SAMD12: variants seen among roughly 807,000 people sequenced by gnomAD.
SAMD12 encodes sterile alpha motif domain-containing protein 12.
SAMD12 carries 9 observed loss-of-function variants against 15.0 expected under a neutral mutation model. The ratio of observed to expected loss-of-function variants is 0.60; its 90% CI spans 0.36 to 1.05. SAMD12 has a LOEUF of 1.05. SAMD12 is among the 50% of genes least tolerant of loss of function. The pLI is 0.01. For synonymous variants in SAMD12, 86 were observed against 90.1 expected, an observed-to-expected ratio of 0.96 and a Z score of 0.25; for missense variants, 230 against 234.2, an observed-to-expected ratio of 0.98 and a Z score of 0.12.
intron 2 of SAMD12, among the ~76,000 whole-genome samples, chr8:118,501,312 T>G (rs72678141): frequency 0.011 from 1,738 of 152,314 alleles, 14 homozygotes; most frequent in Non-Finnish European, 0.019. Flanking sequence ...TAAACTCGGA[T>G]AGATTTTATT....
At position 118,621,586 on chromosome 8, in the gene SAMD12, C is replaced by T. The variant is rs553277456; in HGVS notation, c.13+218G>A. The T allele has an allele frequency of 2.0e-3, 1,229 of 605,664 alleles. 3 individuals carry two copies. The highest frequency in any genetic ancestry group is 3.6e-3 in the Admixed American group (124 of 34,266). The allele number at this position is 605,664 out of a possible 1,614,324, so 37.5% of individuals were successfully genotyped here. A position where few individuals can be genotyped will look rare whatever the true frequency, so the allele number is the denominator to read the frequency against. On this transcript the variant is annotated intron_variant, in intron 1 of 3. Coordinates refer to ENST00000314727, the MANE Select transcript of SAMD12 (RefSeq NM_207506.3). ...GTCTCCACACCTCCTACCTCAAAGTCCTACGCACCTACCCTTCACGTCTCT... is the reference window on the plus strand; with the variant it reads ...GTCTCCACACCTCCTACCTCAAAGTTCTACGCACCTACCCTTCACGTCTCT...
intron 4 of SAMD12, among the ~76,000 whole-genome samples, chr8:118,273,737 C>T: frequency 6.6e-6 from 1 of 152,190 alleles, no homozygotes; most frequent in East Asian, 1.9e-4. Context: ...ATTCTGAACC[C>T]CAGCAACAGT....
At chr8:118,305,501 A>G (rs1190947431) in intron 4 of SAMD12, among the ~76,000 whole-genome samples, 1 of 152,194 alleles carries the variant, frequency 6.6e-6, no homozygotes, top group Non-Finnish European at 1.5e-5. Context: ...TTGTATGTAT[A>G]TACCACATAT....
chr8:118,223,533 T>C (rs1812125377), intron 4 of SAMD12, among the ~76,000 whole-genome samples: 1 of 152,188 alleles, frequency 6.6e-6, no homozygotes, highest in South Asian at 2.1e-4. Flanking sequence ...AAACCAATAA[T>C]CACAGTGACC....
At chr8:118,499,304 T>C (rs1824711998) in intron 2 of SAMD12, among the ~76,000 whole-genome samples, 1 of 152,198 alleles carries the variant, frequency 6.6e-6, no homozygotes, top group Admixed American at 6.5e-5. Flanking sequence ...AACAGAAAGT[T>C]CAGTCTTCTA....
chr8:118,264,890 A>G (rs918490481), intron 4 of SAMD12, among the ~76,000 whole-genome samples: 9 of 152,268 alleles, frequency 5.9e-5, no homozygotes, highest in South Asian at 2.1e-4. Flanking sequence ...CAAGACTTCT[A>G]TCTACTCTGT....
intron 2 of SAMD12, among the ~76,000 whole-genome samples, chr8:118,555,813 T>A (rs1177282257): frequency 6.6e-6 from 1 of 152,200 alleles, no homozygotes; most frequent in Non-Finnish European, 1.5e-5. Context: ...TATTATACTG[T>A]AGACAACTCA....
chr8:118,223,498 C>T (rs1812124659), intron 4 of SAMD12, among the ~76,000 whole-genome samples: 1 of 152,170 alleles, frequency 6.6e-6, no homozygotes, highest in South Asian at 2.1e-4. Context: ...CAGAACAATT[C>T]AGTTGATTGA....
intron 2 of SAMD12, among the ~76,000 whole-genome samples, chr8:118,444,908 C>A (rs1167056481): frequency 1.3e-5 from 2 of 152,058 alleles, no homozygotes; most frequent in Non-Finnish European, 2.9e-5. Flanking sequence ...CTAGGTGAGC[C>A]CAGTTGGTTG....
Position 118,470,643 on chromosome 8 carries a change from C to A in SAMD12, c.193-30682G>T, listed in dbSNP as rs577055395. On this transcript the variant is annotated intron_variant, in intron 2 of 3. Transcript: ENST00000314727. ...CTCCTGATCAACTATAAAGCACTATCCAAATGCAGTAGGGTATATTATTTA... is the reference window on the plus strand; with the variant it reads ...CTCCTGATCAACTATAAAGCACTATACAAATGCAGTAGGGTATATTATTTA... Among the ~76,000 whole-genome samples the A allele has an allele frequency of 9.2e-5, 14 of 152,282 alleles. No homozygotes were observed. In the South Asian group the frequency reaches 2.9e-3, roughly 32 times the overall value.
At chr8:118,619,457 C>A (rs1267535118) in intron 1 of SAMD12, among the ~76,000 whole-genome samples, 10 of 130,448 alleles carry the variant, frequency 7.7e-5, no homozygotes, top group Admixed American at 4.4e-4. Flanking sequence ...CTAGCCTGGG[C>A]GACAGAGCAA....
intron 2 of SAMD12, among the ~76,000 whole-genome samples, chr8:118,530,930 C>T (rs1302753422): frequency 6.6e-6 from 1 of 152,202 alleles, no homozygotes. Flanking sequence ...CATTCTTGAA[C>T]TCCTGGGCTC....
intron 3 of SAMD12, among the ~76,000 whole-genome samples, chr8:118,380,175 G>C (rs1819599215): frequency 6.6e-6 from 1 of 152,160 alleles, no homozygotes; most frequent in Non-Finnish European, 1.5e-5. Context: ...GTGTAACACA[G>C]GATATAATAA....
chr8:118,435,174 C>T (rs114952306), intron 3 of SAMD12, among the ~76,000 whole-genome samples: 2,605 of 151,708 alleles, frequency 0.017, 89 homozygotes, highest in African/African-American at 0.06. Flanking sequence ...CCCTTAGCTA[C>T]GGTTTCACTT....
the SAMD12 span, among the ~76,000 whole-genome samples, chr8:118,176,129 A>T: frequency 6.6e-6 from 1 of 152,062 alleles, no homozygotes; most frequent in Non-Finnish European, 1.5e-5. Flanking sequence ...GTGAAACCCC[A>T]TCTCTACTAA....
chr8:118,618,741 A>T (rs1305706374), intron 1 of SAMD12, among the ~76,000 whole-genome samples: 1 of 151,564 alleles, frequency 6.6e-6, no homozygotes, highest in Admixed American at 6.6e-5. Context: ...CGGGAGGCTG[A>T]GGCAGGAAAA....
At chr8:118,232,959 A>G (rs1042756050) in intron 4 of SAMD12, among the ~76,000 whole-genome samples, 1 of 152,184 alleles carries the variant, frequency 6.6e-6, no homozygotes, top group African/African-American at 2.4e-5. Flanking sequence ...AATCTGAGCA[A>G]TATTTTGCAA....
At chr8:118,201,050 C>T (rs1014214099) in intron 4 of SAMD12, among the ~76,000 whole-genome samples, 1 of 152,182 alleles carries the variant, frequency 6.6e-6, no homozygotes, top group Non-Finnish European at 1.5e-5. Context: ...ATGGGTTCTG[C>T]CATCATCACT....
At chr8:118,550,452 A>G (rs893560754) in intron 2 of SAMD12, among the ~76,000 whole-genome samples, 2 of 152,216 alleles carry the variant, frequency 1.3e-5, no homozygotes, top group Non-Finnish European at 2.9e-5. Flanking sequence ...AAGGAGAAAT[A>G]AAATACTTTA....
Sources: allele counts gnomAD v4.1 joint callset (sites outside exome capture counted in the v4.1 genomes callset), GRCh38; gene constraint gnomAD v4.1.1; transcripts MANE v1.5; gene names NCBI Gene and HGNC (gene_info 2026-07-23, HGNC 2026-07-21).